The following TMPRSS15 variants were observed in gnomAD, a reference collection of about 807,000 sequenced individuals.
TMPRSS15 encodes enteropeptidase.
TMPRSS15 carries 128 observed loss-of-function variants against 125.3 expected under a neutral mutation model. That is an observed-to-expected ratio of 1.02 (90% CI 0.89 to 1.18). The LOEUF (loss-of-function observed/expected upper bound fraction) is 1.18. Among genes scored for constraint, TMPRSS15 ranks in the 50% most tolerant of loss-of-function variants. The pLI is 0.00. For missense variants in TMPRSS15, 1,283 were observed against 1,212.7 expected, an observed-to-expected ratio of 1.06 and a Z score of -0.86; for synonymous variants, 446 against 423.2, an observed-to-expected ratio of 1.05 and a Z score of -0.66.
chr21:18,313,924 C>T lies in TMPRSS15; in HGVS notation c.2033-847G>A, dbSNP rs187972823. Among the ~76,000 whole-genome samples the T allele has an allele frequency of 4.0e-5, 6 of 149,464 alleles. No homozygotes were observed. The East Asian group carries it at 1.2e-3, about 29-fold the overall frequency. ...AAAAAAAAAAACCACTTTCTTTGTA[C>T]TTGCTTTTATACCATTTGATTTCTA... On this transcript the variant is annotated intron_variant, in intron 17 of 24. Coordinates refer to ENST00000284885, the MANE Select transcript of TMPRSS15 (RefSeq NM_002772.3).
intron 1 of TMPRSS15, among the ~76,000 whole-genome samples, chr21:18,433,662 T>TAAAAAAAAAA (rs1601461055): frequency 5.5e-5 from 1 of 18,336 alleles, no homozygotes; most frequent in African/African-American, 3.6e-4. Flanking sequence ...AGACCTTGTC[T>TAAAAAAAAAA]CAAAAAAAAA....
Position 18,313,049 on chromosome 21 carries a change from G to A in TMPRSS15, c.2061C>T (p.Asn687=), listed in dbSNP as rs2075118175. 1 of 1,613,904 alleles carries A rather than the reference G, an allele frequency of 6.2e-7. No homozygotes were observed. Among genetic ancestry groups the A allele is most frequent in the Non-Finnish European group, 8.5e-7 (1 of 1,179,898 alleles). ...GGATTCTGAACCGCACTAAACCATTGTTGTTCGTTGTGCCATTGAAAAAAC... is the reference window on the plus strand; with the variant it reads ...GGATTCTGAACCGCACTAAACCATTATTGTTCGTTGTGCCATTGAAAAAAC... ...CVRFFNGTTN[N]NGLVRFRIQS... is the part of the protein sequence containing the mutation. The change falls in exon 18 of 25, where the codon AAC becomes AAT. Residue 687 remains asparagine (N), a synonymous_variant. Transcript: ENST00000284885.
At chr21:18,280,654 T>C (rs935670361) in intron 22 of TMPRSS15, among the ~76,000 whole-genome samples, 1 of 151,976 alleles carries the variant, frequency 6.6e-6, no homozygotes, top group African/African-American at 2.4e-5. Flanking sequence ...TTGCTCACTT[T>C]CCCCACAGAA....
At chr21:18,374,270 G>C (rs1335741608) in intron 5 of TMPRSS15, among the ~76,000 whole-genome samples, 1 of 150,860 alleles carries the variant, frequency 6.6e-6, no homozygotes, top group Non-Finnish European at 1.5e-5. Context: ...TCAGGAGATC[G>C]AGACCATCCT....
chr21:18,454,883 T>G (rs992928941), intron 1 of TMPRSS15, among the ~76,000 whole-genome samples: 2 of 152,136 alleles, frequency 1.3e-5, no homozygotes, highest in East Asian at 3.9e-4. Flanking sequence ...TGGTGTTCCT[T>G]AGCCAAGTCA....
chr21:18,308,036 C>T (rs1296498763), intron 18 of TMPRSS15, among the ~76,000 whole-genome samples: 1 of 152,112 alleles, frequency 6.6e-6, no homozygotes. Context: ...GAAGCAAGGT[C>T]AAGTCCCCAG....
In TMPRSS15 at chr21:18,294,431, T is replaced by G. The variant is rs2074877177; in HGVS notation, c.2325A>C (p.Lys775Asn). Reference protein sequence around the residue: ...LQCNHKSCGKKLAAQDITPKI... With the variant: ...LQCNHKSCGKNLAAQDITPKI... Reference sequence around the variant, plus strand: ...TTGGGGTGATGTCTTGAGCTGCCAGTTTTTTTCCACAAGCTATTAAAATAA... The same window carrying G: ...TTGGGGTGATGTCTTGAGCTGCCAGGTTTTTTCCACAAGCTATTAAAATAA... Residue 775 changes from lysine (K) to asparagine (N), a missense_variant, in exon 21 of 25, where the codon AAA becomes AAC. Physicochemically the swap from Lys to Asn is moderately conservative, Grantham distance 94. Transcript: ENST00000284885. 6.2e-7 allele frequency: 1 copy of G among 1,614,184 alleles called. No homozygotes were observed. Among genetic ancestry groups the G allele is most frequent in the East Asian group, 2.2e-5 (1 of 44,888 alleles).
intron 24 of TMPRSS15, among the ~76,000 whole-genome samples, chr21:18,274,234 T>G (rs183777420): frequency 1.3e-5 from 2 of 152,308 alleles, no homozygotes; most frequent in East Asian, 3.9e-4. Context: ...ACATGGGTTA[T>G]CTCATTTAAA....
At chr21:18,342,851 T>C (rs1338144656) in intron 12 of TMPRSS15, among the ~76,000 whole-genome samples, 2 of 152,210 alleles carry the variant, frequency 1.3e-5, no homozygotes, top group Non-Finnish European at 2.9e-5. Flanking sequence ...ATATACATCT[T>C]CTGAAAGTGA....
intron 5 of TMPRSS15, among the ~76,000 whole-genome samples, chr21:18,377,853 C>T (rs2075858705): frequency 6.6e-6 from 1 of 152,062 alleles, no homozygotes; most frequent in African/African-American, 2.4e-5. Flanking sequence ...TTCATCATTT[C>T]CTTCTTTGTC....
chr21:18,340,177 C>T (rs1342750607), intron 13 of TMPRSS15, among the ~76,000 whole-genome samples: 1 of 152,174 alleles, frequency 6.6e-6, no homozygotes, highest in East Asian at 1.9e-4. Flanking sequence ...CCGACCCACT[C>T]TCAGTCTGGG....
intron 2 of TMPRSS15, 47 bp from the exon 3 acceptor site, chr21:18,397,993 T>A: frequency 2.2e-6 from 3 of 1,340,410 alleles, no homozygotes; most frequent in Non-Finnish European, 3.1e-6. Context: ...TTTAGGATTT[T>A]AACTTTTGTT....
At chr21:18,313,105 T>C in intron 17 of TMPRSS15, 28 bp from the exon 18 acceptor site, 1 of 1,541,886 alleles carries the variant, frequency 6.5e-7, no homozygotes. Context: ...ATAATGGTAG[T>C]TACCAGAGAC....
chr21:18,333,080 CTG>C (rs2075360229), intron 13 of TMPRSS15, among the ~76,000 whole-genome samples: 1 of 152,058 alleles, frequency 6.6e-6, no homozygotes, highest in Non-Finnish European at 1.5e-5. Context: ...ACAACACACA[CTG>C]GGGCCTTTCG....
chr21:18,454,368 A>G (rs1439147862), intron 1 of TMPRSS15, among the ~76,000 whole-genome samples: 4 of 152,094 alleles, frequency 2.6e-5, no homozygotes, highest in Non-Finnish European at 5.9e-5. Flanking sequence ...AGCCATTTTA[A>G]TATGTGTATT....
At chr21:18,412,994 A>G (rs1254130370) in intron 1 of TMPRSS15, among the ~76,000 whole-genome samples, 1 of 152,138 alleles carries the variant, frequency 6.6e-6, no homozygotes, top group African/African-American at 2.4e-5. Context: ...ATCATTCTCT[A>G]TCTGTATTCA....
At chr21:18,332,010 T>C (rs1183318105) in intron 14 of TMPRSS15, 74 bp downstream of exon 14, 1 of 1,312,898 alleles carries the variant, frequency 7.6e-7, no homozygotes, top group East Asian at 2.3e-5. Context: ...TATAATCTAC[T>C]TTGCTGCGTC....
intron 6 of TMPRSS15, among the ~76,000 whole-genome samples, chr21:18,368,454 G>A (rs2075760657): frequency 6.6e-6 from 1 of 152,148 alleles, no homozygotes. Context: ...TATGGTTTCT[G>A]AACATATCTG....
intron 1 of TMPRSS15, among the ~76,000 whole-genome samples, chr21:18,449,916 GA>G (rs1569071306): frequency 1.3e-5 from 2 of 150,728 alleles, no homozygotes; most frequent in African/African-American, 4.9e-5. Context: ...TAAAATGGAA[GA>G]ATAGCCTTTC....
Sources: gnomAD v4.1 joint callset for allele counts (sites outside exome capture counted in the v4.1 genomes callset) on GRCh38, gnomAD v4.1.1 for gene constraint, MANE v1.5 for transcripts, NCBI Gene and HGNC (gene_info 2026-07-23, HGNC 2026-07-21) for gene names.